CNTNAP2: variants seen among roughly 807,000 people sequenced by gnomAD.
The protein encoded by CNTNAP2 is contactin associated protein 2.
In CNTNAP2, 98 loss-of-function variants were observed where a neutral mutation model predicts 155.2. The ratio of observed to expected loss-of-function variants is 0.63; its 90% CI spans 0.54 to 0.75. CNTNAP2 has a LOEUF of 0.75. CNTNAP2 is among the 30% of genes least tolerant of loss of function. The pLI is 0.00. For missense variants in CNTNAP2, 1,727 were observed against 1,688.1 expected (o/e 1.02, Z -0.40); for synonymous variants, 651 against 631.2 (o/e 1.03, Z -0.47).
intron 3 of CNTNAP2, among the ~76,000 whole-genome samples, chr7:147,012,943 G>T (rs1014413461): frequency 6.6e-6 from 1 of 151,994 alleles, no homozygotes; most frequent in Admixed American, 6.6e-5. Context: ...GTTTAAAATT[G>T]AATCTCCAAG....
intron 10 of CNTNAP2, among the ~76,000 whole-genome samples, chr7:147,453,072 G>A (rs1432816062): frequency 1.3e-5 from 2 of 152,068 alleles, no homozygotes; most frequent in African/African-American, 4.8e-5. Context: ...AAGTAGAAAA[G>A]GGAGAGAAAT....
intron 14 of CNTNAP2, among the ~76,000 whole-genome samples, chr7:147,957,442 T>A (rs1801036333): frequency 6.6e-6 from 1 of 151,920 alleles, no homozygotes; most frequent in South Asian, 2.1e-4. Flanking sequence ...AATGGAAAAT[T>A]AAAGGCAGTG....
intron 1 of CNTNAP2, among the ~76,000 whole-genome samples, chr7:146,629,291 G>A (rs1799471363): frequency 1.3e-5 from 2 of 152,142 alleles, no homozygotes; most frequent in African/African-American, 4.8e-5. Flanking sequence ...GGCTAATGTA[G>A]GCATGAGAAA....
intron 9 of CNTNAP2, among the ~76,000 whole-genome samples, chr7:147,377,182 C>G (rs911225672): frequency 2.0e-5 from 3 of 150,688 alleles, no homozygotes; most frequent in African/African-American, 7.3e-5. Context: ...ATCGATTTCC[C>G]CTACAATTGC....
At chr7:147,414,813 C>T (rs528848312) in intron 10 of CNTNAP2, among the ~76,000 whole-genome samples, 6 of 151,002 alleles carry the variant, frequency 4.0e-5, no homozygotes, top group Non-Finnish European at 7.4e-5. Context: ...AGGTGGTGGG[C>T]GCCTGTAGTC....
Position 148,123,160 on chromosome 7 carries a change from G to T in CNTNAP2, c.2554+4872G>T, listed in dbSNP as rs147983253. Among the ~76,000 whole-genome samples, 193 of 152,322 alleles carry T rather than the reference G, an allele frequency of 1.3e-3. 4 individuals are homozygous for T. In the East Asian group the frequency reaches 0.031, roughly 24 times the overall value. ...CCAACAGAGAGGTCTCAGAAACTCA[G>T]TTTGGGAGTCATCATCACTTAGAGG... is the stretch of plus-strand genomic sequence containing the variant. On this transcript the variant is annotated intron_variant, in intron 16 of 23. Coordinates refer to ENST00000361727, the MANE Select transcript of CNTNAP2 (RefSeq NM_014141.6).
At position 147,316,637 on chromosome 7, in the gene CNTNAP2, T is replaced by G. The variant is rs115259845; in HGVS notation, c.1498+16347T>G. ...ATATAGTAAAATTTAGTTACACGAA[T>G]TTTGATTCATATACTTTTGAAAGAA... On this transcript the variant is annotated intron_variant, in intron 9 of 23. Coordinates refer to ENST00000361727, the MANE Select transcript of CNTNAP2 (RefSeq NM_014141.6). Among the ~76,000 whole-genome samples the G allele has an allele frequency of 2.4e-3, 366 of 152,306 alleles. 1 individual carries two copies. Among genetic ancestry groups the G allele is most frequent in the African/African-American group, 8.3e-3 (345 of 41,580 alleles).
chr7:147,246,315 C>T (rs1330025656), intron 8 of CNTNAP2, among the ~76,000 whole-genome samples: 2 of 152,034 alleles, frequency 1.3e-5, no homozygotes, highest in South Asian at 2.1e-4. Context: ...TTCAGGCCTT[C>T]AGCTGATTGG....
At chr7:146,982,804 A>G (rs180952193) in intron 3 of CNTNAP2, among the ~76,000 whole-genome samples, 1 of 152,316 alleles carries the variant, frequency 6.6e-6, no homozygotes, top group East Asian at 1.9e-4. Context: ...AGAAGAAAAG[A>G]CAGCTCTACT....
chr7:146,351,225 G>A (rs933009698), intron 1 of CNTNAP2, among the ~76,000 whole-genome samples: 3 of 150,440 alleles, frequency 2.0e-5, no homozygotes. Context: ...AAGACTGAGG[G>A]TCAAAAGAAT....
At chr7:147,453,094 A>T (rs1797861001) in intron 10 of CNTNAP2, among the ~76,000 whole-genome samples, 1 of 152,076 alleles carries the variant, frequency 6.6e-6, no homozygotes, top group African/African-American at 2.4e-5. Flanking sequence ...GAAGGCAGGC[A>T]TACTCCTTGC....
At chr7:147,670,521 C>T (rs537635370) in intron 13 of CNTNAP2, among the ~76,000 whole-genome samples, 2 of 152,178 alleles carry the variant, frequency 1.3e-5, no homozygotes, top group African/African-American at 2.4e-5. Context: ...TCATACTCAA[C>T]CAGCAGAGAG....
intron 10 of CNTNAP2, among the ~76,000 whole-genome samples, chr7:147,468,004 C>T (rs1234489134): frequency 6.6e-6 from 1 of 151,998 alleles, no homozygotes; most frequent in East Asian, 1.9e-4. Context: ...GCACTCCAGC[C>T]TGAGCAACAG....
intron 3 of CNTNAP2, among the ~76,000 whole-genome samples, chr7:146,951,243 T>A (rs1797307553): frequency 6.6e-6 from 1 of 152,232 alleles, no homozygotes; most frequent in African/African-American, 2.4e-5. Flanking sequence ...ATTCTACAGG[T>A]TGCCTGTTCA....
chr7:146,248,868 AG>A (rs1325435106), intron 1 of CNTNAP2, among the ~76,000 whole-genome samples: 8 of 152,152 alleles, frequency 5.3e-5, no homozygotes, highest in African/African-American at 1.7e-4. Flanking sequence ...GAGCAATAAA[AG>A]CTTTTAATCA....
intron 3 of CNTNAP2, among the ~76,000 whole-genome samples, chr7:146,865,612 G>A (rs1013361238): frequency 2.0e-5 from 3 of 152,058 alleles, no homozygotes; most frequent in African/African-American, 7.2e-5. Flanking sequence ...AATGAACACT[G>A]CTGCTTCACA....
In CNTNAP2 at chr7:147,983,952, G is replaced by T. The variant is rs1801575394; in HGVS notation, c.2383+5963G>T. ...GGAAGGGGAAAGATCTAGTTATGTT[G>T]ATAGAGATTATTCATAGATGTGAAT... On this transcript the variant is annotated intron_variant, in intron 15 of 23. Coordinates refer to ENST00000361727, the MANE Select transcript of CNTNAP2 (RefSeq NM_014141.6). Among the ~76,000 whole-genome samples the T allele has an allele frequency of 4.6e-5, 7 of 152,282 alleles. No individual in the cohort carries two copies. In the South Asian group the frequency reaches 1.5e-3, roughly 32 times the overall value.
Position 148,084,642 on chromosome 7 carries a change from T to A in CNTNAP2, c.2384-33476T>A, listed in dbSNP as rs76188100. On this transcript the variant is annotated intron_variant, in intron 15 of 23. Coordinates refer to ENST00000361727, the MANE Select transcript of CNTNAP2 (RefSeq NM_014141.6). ...TAAAGAAGATTGCACTGAAATTATA[T>A]TACTTGCTTAATTGTATTAATTCAC... is the stretch of plus-strand genomic sequence containing the variant. Among the ~76,000 whole-genome samples, 1,432 of 152,306 alleles carry A rather than the reference T, an allele frequency of 9.4e-3. 27 individuals carry two copies. The highest frequency in any genetic ancestry group is 0.033 in the African/African-American group (1,353 of 41,562).
At chr7:146,707,180 C>A (rs1800981319) in intron 1 of CNTNAP2, among the ~76,000 whole-genome samples, 1 of 152,124 alleles carries the variant, frequency 6.6e-6, no homozygotes, top group Non-Finnish European at 1.5e-5. Flanking sequence ...ACAGCCATTT[C>A]AAGAGGCTGG....
Sources: gnomAD v4.1 joint callset for allele counts (sites outside exome capture counted in the v4.1 genomes callset) on GRCh38, gnomAD v4.1.1 for gene constraint, MANE v1.5 for transcripts, NCBI Gene and HGNC (gene_info 2026-07-23, HGNC 2026-07-21) for gene names.